STXBP5L: variants seen among roughly 807,000 people sequenced by gnomAD.
The protein encoded by STXBP5L is syntaxin binding protein 5L, also known as syntaxin-binding protein 5-like.
STXBP5L carries 65 observed loss-of-function variants against 144.5 expected under a neutral mutation model. That is an observed-to-expected ratio of 0.45 (90% CI 0.37 to 0.55). The LOEUF is 0.55. Ranked by LOEUF, STXBP5L falls within the 20% of genes least tolerant of loss-of-function variation. The probability of loss-of-function intolerance (pLI) is 0.00; values close to 1 mark genes in which losing one functional copy is unlikely to be tolerated. For synonymous variants in STXBP5L, 505 were observed against 469.6 expected (o/e 1.08, Z -0.97); for missense variants, 1,298 against 1,405.5 (o/e 0.92, Z 1.22).
At chr3:121,395,414 C>T (rs2046704048) in intron 22 of STXBP5L, among the ~76,000 whole-genome samples, 1 of 152,138 alleles carries the variant, frequency 6.6e-6, no homozygotes, top group Non-Finnish European at 1.5e-5. Context: ...TTTCCAAAAG[C>T]ATAGTCTTAC....
chr3:121,358,669 T>C (rs767788966), intron 20 of STXBP5L, among the ~76,000 whole-genome samples: 2 of 152,204 alleles, frequency 1.3e-5, no homozygotes, highest in Non-Finnish European at 2.9e-5. Context: ...CCAAACCATA[T>C]AAGCATTCTA....
chr3:120,975,337 C>A (rs1188005785), intron 3 of STXBP5L, among the ~76,000 whole-genome samples: 1 of 152,066 alleles, frequency 6.6e-6, no homozygotes, highest in Non-Finnish European at 1.5e-5. Flanking sequence ...TGATTTGGCT[C>A]TTTGTTTGTC....
At chr3:121,019,974 T>G (rs1945428334) in intron 3 of STXBP5L, among the ~76,000 whole-genome samples, 1 of 151,954 alleles carries the variant, frequency 6.6e-6, no homozygotes, top group Admixed American at 6.6e-5. Context: ...ACTTAGCCAA[T>G]CAAGGAGGCA....
At chr3:120,965,148 C>G (rs561232900) in intron 3 of STXBP5L, among the ~76,000 whole-genome samples, 1 of 152,136 alleles carries the variant, frequency 6.6e-6, no homozygotes, top group African/African-American at 2.4e-5. Context: ...CTTCCTCCAT[C>G]TCTTTATTTT....
At chr3:121,152,585 T>G (rs2045969138) in intron 8 of STXBP5L, 25 bp downstream of exon 8, 1 of 1,514,520 alleles carries the variant, frequency 6.6e-7, no homozygotes, top group African/African-American at 1.4e-5. Context: ...CCGACATGTT[T>G]GAAAGAGTAT....
chr3:121,328,760 T>TA (rs986375871), intron 20 of STXBP5L, among the ~76,000 whole-genome samples: 8 of 150,752 alleles, frequency 5.3e-5, no homozygotes, highest in African/African-American at 2.0e-4. Context: ...AAAAAAAAAA[T>TA]AAAAAATAAA....
chr3:120,931,096 CTTTT>C (rs76276771), intron 2 of STXBP5L, among the ~76,000 whole-genome samples: 1 of 136,230 alleles, frequency 7.3e-6, no homozygotes. Context: ...TGGGTTTTCT[CTTTT>C]TTTTTTTTTT....
At chr3:121,010,890 C>T (rs1316395812) in intron 3 of STXBP5L, among the ~76,000 whole-genome samples, 1 of 151,446 alleles carries the variant, frequency 6.6e-6, no homozygotes. Flanking sequence ...AGGGGTTTGT[C>T]TTGCTGTCTG....
chr3:120,966,422 C>T (rs978644885), intron 3 of STXBP5L, among the ~76,000 whole-genome samples: 5 of 152,204 alleles, frequency 3.3e-5, no homozygotes, highest in African/African-American at 4.8e-5. Context: ...GTGGCTTTAT[C>T]TACCTTTGGT....
intron 2 of STXBP5L, among the ~76,000 whole-genome samples, chr3:120,928,639 AGTGTGT>A (rs71133519): frequency 0.16 from 23,394 of 147,174 alleles, 1,871 homozygotes; most frequent in Non-Finnish European, 0.19. Flanking sequence ...TGGTATACAG[AGTGTGT>A]GTGTGTGTGT....
At chr3:121,261,088 C>T (rs1449448844) in intron 18 of STXBP5L, among the ~76,000 whole-genome samples, 2 of 152,078 alleles carry the variant, frequency 1.3e-5, no homozygotes, top group African/African-American at 4.8e-5. Context: ...TAGAGTTTGA[C>T]CTGTAAAGAC....
At chr3:121,163,054 A>C (rs936809937) in intron 9 of STXBP5L, among the ~76,000 whole-genome samples, 2 of 152,370 alleles carry the variant, frequency 1.3e-5, no homozygotes, top group East Asian at 3.9e-4. Context: ...CATTTGACCC[A>C]GCAATCCCAT....
intron 5 of STXBP5L, among the ~76,000 whole-genome samples, chr3:121,077,642 A>T (rs1015791985): frequency 2.0e-5 from 3 of 152,138 alleles, no homozygotes; most frequent in African/African-American, 7.2e-5. Flanking sequence ...GGCCCCACCC[A>T]CATCCTGCTG....
At chr3:121,355,861 G>A (rs1209620557) in intron 20 of STXBP5L, among the ~76,000 whole-genome samples, 2 of 152,224 alleles carry the variant, frequency 1.3e-5, no homozygotes, top group African/African-American at 4.8e-5. Flanking sequence ...GTGACCTACA[G>A]ATGGGGTTTT....
intron 9 of STXBP5L, among the ~76,000 whole-genome samples, chr3:121,168,629 C>T (rs1318388773): frequency 6.6e-6 from 1 of 151,760 alleles, no homozygotes; most frequent in Non-Finnish European, 1.5e-5. Flanking sequence ...AGCGTGAAGA[C>T]AAGATTAGAG....
At chr3:121,323,289 C>T (rs1646716247) in intron 20 of STXBP5L, among the ~76,000 whole-genome samples, 1 of 152,104 alleles carries the variant, frequency 6.6e-6, no homozygotes, top group South Asian at 2.1e-4. Flanking sequence ...AATGGTGTTT[C>T]CTAGGTTTTC....
intron 10 of STXBP5L, among the ~76,000 whole-genome samples, chr3:121,208,724 T>A (rs1264459064): frequency 1.3e-5 from 2 of 152,188 alleles, no homozygotes; most frequent in Non-Finnish European, 2.9e-5. Flanking sequence ...CTATATTAAC[T>A]GTTCCTAGCA....
chr3:121,262,537 C>T (rs115481977), intron 18 of STXBP5L, among the ~76,000 whole-genome samples: 76 of 152,132 alleles, frequency 5.0e-4, no homozygotes, highest in Middle Eastern at 3.4e-3. Flanking sequence ...TACTGAGAAT[C>T]GCTTGAATCC....
intron 9 of STXBP5L, among the ~76,000 whole-genome samples, chr3:121,194,627 G>T (rs1164397207): frequency 1.3e-5 from 2 of 151,960 alleles, no homozygotes; most frequent in East Asian, 3.9e-4. Flanking sequence ...TTTTTTGGAG[G>T]GTTTGTGAAA....
Sources: gnomAD v4.1 joint callset for allele counts (sites outside exome capture counted in the v4.1 genomes callset) on GRCh38, gnomAD v4.1.1 for gene constraint, MANE v1.5 for transcripts, NCBI Gene and HGNC (gene_info 2026-07-23, HGNC 2026-07-21) for gene names.